The following PKNOX2 variants were observed in gnomAD, a reference collection of about 807,000 sequenced individuals.
The protein encoded by PKNOX2 is homeobox protein PKNOX2.
In PKNOX2, 14 loss-of-function variants were observed where a neutral mutation model predicts 53.1. That is an observed-to-expected ratio of 0.26 (90% confidence interval 0.17 to 0.41). The LOEUF is 0.41. Among genes scored for constraint, PKNOX2 ranks in the 10% least tolerant of loss-of-function variants. The pLI is 1.00. For synonymous variants in PKNOX2, 257 were observed against 242.8 expected, an observed-to-expected ratio of 1.06 and a Z score of -0.54; for missense variants, 496 against 602.8, an observed-to-expected ratio of 0.82 and a Z score of 1.85.
rs11219960 is a variant in PKNOX2 at position 125,189,102 on chromosome 11, T to C, written c.-201+24326T>C. 7.6e-3 allele frequency among the ~76,000 whole-genome samples: 1,152 copies of C among 151,964 alleles called. 18 individuals carry two copies. The highest frequency in any genetic ancestry group is 0.026 in the African/African-American group (1,084 of 41,444). ...CTCTCTTCGTATTTTGGGGTTGACT[T>C]TCCTCTTTCTTTTGTTCTCATCTGC... On this transcript the variant is annotated intron_variant, in intron 1 of 12. Coordinates refer to ENST00000298282, the MANE Select transcript of PKNOX2 (RefSeq NM_001382323.2).
intron 5 of PKNOX2, among the ~76,000 whole-genome samples, chr11:125,375,197 G>A (rs567047500): frequency 6.6e-6 from 1 of 152,284 alleles, no homozygotes; most frequent in South Asian, 2.1e-4. Flanking sequence ...CACAGGGTAG[G>A]CATCAAACGA....
At chr11:125,414,746 GAAA>G (rs5795453) in intron 10 of PKNOX2, among the ~76,000 whole-genome samples, 1 of 145,790 alleles carries the variant, frequency 6.9e-6, no homozygotes, top group African/African-American at 2.5e-5. Flanking sequence ...CTATTTCTTT[GAAA>G]AAAAAAAAAA....
intron 3 of PKNOX2, among the ~76,000 whole-genome samples, chr11:125,337,709 AC>A (rs1253552553): frequency 6.6e-6 from 1 of 150,668 alleles, no homozygotes; most frequent in Non-Finnish European, 1.5e-5. Context: ...TTTTGCTACG[AC>A]TTCATTTCTT....
At chr11:125,262,400 C>T (rs1029927405) in intron 2 of PKNOX2, among the ~76,000 whole-genome samples, 9 of 151,846 alleles carry the variant, frequency 5.9e-5, no homozygotes, top group African/African-American at 2.2e-4. Flanking sequence ...TATCTCACCT[C>T]TCTGGCTGAG....
intron 10 of PKNOX2, 23 bp downstream of exon 10, chr11:125,411,888 T>A: frequency 1.9e-6 from 3 of 1,613,378 alleles, no homozygotes; most frequent in Non-Finnish European, 2.5e-6. Context: ...GTCTTGGGGG[T>A]GTGGAGTCCC....
intron 3 of PKNOX2, among the ~76,000 whole-genome samples, chr11:125,343,319 A>C (rs1237794701): frequency 1.3e-5 from 2 of 152,198 alleles, no homozygotes; most frequent in African/African-American, 4.8e-5. Flanking sequence ...GCCTCCAGGT[A>C]GGAAAAAGCG....
chr11:125,278,387 G>A (rs1356271412), intron 2 of PKNOX2, among the ~76,000 whole-genome samples: 1 of 151,928 alleles, frequency 6.6e-6, no homozygotes, highest in African/African-American at 2.4e-5. Flanking sequence ...GAAAGTGAAG[G>A]AGCCAGTCAG....
At chr11:125,231,172 C>G (rs1942172776) in intron 1 of PKNOX2, among the ~76,000 whole-genome samples, 1 of 152,166 alleles carries the variant, frequency 6.6e-6, no homozygotes, top group African/African-American at 2.4e-5. Flanking sequence ...TGGCTGACCC[C>G]CCGGTCTGGT....
intron 2 of PKNOX2, among the ~76,000 whole-genome samples, chr11:125,319,794 C>T (rs1949410078): frequency 6.6e-6 from 1 of 152,210 alleles, no homozygotes; most frequent in African/African-American, 2.4e-5. Context: ...AGAGCACCTT[C>T]CAGGAACATG....
At position 125,202,056 on chromosome 11, in the gene PKNOX2, T is replaced by C. The variant is rs192061241; in HGVS notation, c.-200-32989T>C. On this transcript the variant is annotated intron_variant, in intron 1 of 12. Transcript: ENST00000298282. Reference sequence around the variant, plus strand: ...GCCGGCTTAAAGAAAACACAGAGGGTCCGTGCGGCTGGGACTCCCAACAAG... The same window carrying C: ...GCCGGCTTAAAGAAAACACAGAGGGCCCGTGCGGCTGGGACTCCCAACAAG... Among the ~76,000 whole-genome samples, 333 of 152,216 alleles carry C rather than the reference T, an allele frequency of 2.2e-3. 1 individual carries two copies. Among genetic ancestry groups the C allele is most frequent in the African/African-American group, 7.0e-3 (290 of 41,524 alleles).
At chr11:125,186,827 A>G (rs1956473380) in intron 1 of PKNOX2, among the ~76,000 whole-genome samples, 1 of 152,204 alleles carries the variant, frequency 6.6e-6, no homozygotes, top group African/African-American at 2.4e-5. Flanking sequence ...ATTTTCTTCT[A>G]AGAGTATCAT....
intron 6 of PKNOX2, among the ~76,000 whole-genome samples, chr11:125,387,928 G>A (rs79580950): frequency 1.3e-5 from 2 of 152,016 alleles, no homozygotes; most frequent in Non-Finnish European, 2.9e-5. Flanking sequence ...TTCCTCATCT[G>A]TAGATCTAAC....
chr11:125,377,964 G>A (rs116233535), intron 5 of PKNOX2, among the ~76,000 whole-genome samples: 2,909 of 152,298 alleles, frequency 0.019, 101 homozygotes, highest in African/African-American at 0.066. Context: ...GCCCATCTGC[G>A]AGCGCTGGCT....
intron 3 of PKNOX2, among the ~76,000 whole-genome samples, chr11:125,341,368 A>T (rs1398130920): frequency 6.6e-6 from 1 of 152,154 alleles, no homozygotes; most frequent in African/African-American, 2.4e-5. Context: ...TCAAAAAAAA[A>T]AAAAGGAAAG....
intron 1 of PKNOX2, among the ~76,000 whole-genome samples, chr11:125,219,614 T>C (rs1038288102): frequency 1.3e-5 from 2 of 152,138 alleles, no homozygotes; most frequent in African/African-American, 4.8e-5. Flanking sequence ...GAACAGACTA[T>C]TCACAGAAAA....
At chr11:125,172,450 C>T (rs897232699) in intron 1 of PKNOX2, among the ~76,000 whole-genome samples, 1 of 152,188 alleles carries the variant, frequency 6.6e-6, no homozygotes, top group Non-Finnish European at 1.5e-5. Context: ...ACATCCAGCC[C>T]TCTTCCATCT....
intron 3 of PKNOX2, among the ~76,000 whole-genome samples, chr11:125,348,991 C>A (rs978911860): frequency 2.0e-5 from 3 of 152,128 alleles, no homozygotes; most frequent in African/African-American, 4.8e-5. Context: ...TTTTTCCTGG[C>A]GGACGAGCAT....
In PKNOX2 at chr11:125,430,101, G is replaced by A. The variant is rs759871740; in HGVS notation, c.1152G>A (p.Val384=). The part of the protein sequence containing the change: ...RFWPNSIAAG[V]LQQQGGAPGT... ...GGCCCAACTCCATCGCTGCGGGGGT[G>A]CTGCAGCAGCAGGGCGGTGCCCCAG... The change falls in exon 12 of 13, where the codon GTG becomes GTA. Residue 384 remains valine (V), a synonymous_variant. Coordinates refer to ENST00000298282, the MANE Select transcript of PKNOX2 (RefSeq NM_001382323.2). 10 of 1,614,140 alleles carry A rather than the reference G, an allele frequency of 6.2e-6. No individual in the cohort carries two copies. The South Asian group carries it at 1.1e-4, about 18-fold the overall frequency.
chr11:125,282,555 C>T (rs1163827023), intron 2 of PKNOX2, among the ~76,000 whole-genome samples: 1 of 152,176 alleles, frequency 6.6e-6, no homozygotes, highest in Non-Finnish European at 1.5e-5. Flanking sequence ...ATTTCGAACA[C>T]GTTCCCAGGT....
Sources: gnomAD v4.1 joint callset for allele counts (sites outside exome capture counted in the v4.1 genomes callset) on GRCh38, gnomAD v4.1.1 for gene constraint, MANE v1.5 for transcripts, NCBI Gene and HGNC (gene_info 2026-07-23, HGNC 2026-07-21) for gene names.